NUP93: variants seen among roughly 807,000 people sequenced by gnomAD.
NUP93 encodes nucleoporin 93.
Under a neutral mutation model 107.8 loss-of-function variants are expected in NUP93, and 55 were observed. That is an observed-to-expected ratio of 0.51 (90% CI 0.41 to 0.64). The LOEUF is 0.64. Ranked by LOEUF, NUP93 falls within the 30% of genes least tolerant of loss-of-function variation. NUP93 has a pLI of 0.00. For missense variants in NUP93, 937 were observed against 1,044.7 expected, an observed-to-expected ratio of 0.90 and a Z score of 1.42; for synonymous variants, 390 against 397.5, an observed-to-expected ratio of 0.98 and a Z score of 0.22.
At position 56,841,717 on chromosome 16, in the gene NUP93, C is replaced by T. The variant is rs1567415377; in HGVS notation, c.2233C>T (p.Leu745Phe). The part of the protein sequence containing the change: ...RNFSDEIRHN[L>F]SEVLLATMNI... ...TCTCTCTATGTAGATCAGGCACAAC[C>T]TCTCAGAAGTGCTTCTTGCCACCAT... is the stretch of plus-strand genomic sequence containing the variant. Residue 745 changes from leucine to phenylalanine, a missense_variant, in exon 21 of 22, where the codon CTC becomes TTC. Transcript: ENST00000308159. 1.9e-6 allele frequency: 3 copies of T among 1,614,138 alleles called. No homozygotes were observed. Among genetic ancestry groups the T allele is most frequent in the Non-Finnish European group, 2.5e-6 (3 of 1,179,984 alleles).
chr16:56,823,622 C>T (rs2144614209), intron 7 of NUP93, 85 bp from the exon 8 acceptor site: 1 of 1,496,030 alleles, frequency 6.7e-7, no homozygotes, highest in South Asian at 1.2e-5. Context: ...ACATTCTGCC[C>T]CCTTTGGAGG....
At chr16:56,834,653 C>A in intron 15 of NUP93, 81 bp from the exon 16 acceptor site, 1 of 1,290,476 alleles carries the variant, frequency 7.7e-7, no homozygotes, top group Non-Finnish European at 1.1e-6. Context: ...CCATTTGATT[C>A]CCCTCTTTTT....
At position 56,846,316 on chromosome 16, in the gene NUP93, CAG is replaced by C. The variant is rs1395334409; in HGVS notation, c.*1709_*1710del. 2 of 151,826 alleles carry C rather than the reference CAG, an allele frequency of 1.3e-5. No individual in the cohort carries two copies. Among genetic ancestry groups the C allele is most frequent in the African/African-American group, 4.8e-5 (2 of 41,298 alleles). The allele number at this position is 151,826 out of a possible 1,614,324, so 9.4% of individuals were successfully genotyped here. On this transcript the variant is annotated 3_prime_UTR_variant, in exon 22 of 22. Transcript: ENST00000308159. ...ATCCCAGCTACACAGGAAGCTGAGA[CAG>C]AATTGCTTGAACCCGGGAGGCGAAG...
chr16:56,765,679 C>T (rs1962204046), intron 3 of NUP93, among the ~76,000 whole-genome samples: 1 of 152,174 alleles, frequency 6.6e-6, no homozygotes, highest in Admixed American at 6.5e-5. Context: ...GTGTCTACAT[C>T]ACACCTACTT....
At chr16:56,796,349 G>T (rs1191444704) in intron 3 of NUP93, among the ~76,000 whole-genome samples, 1 of 152,130 alleles carries the variant, frequency 6.6e-6, no homozygotes, top group Non-Finnish European at 1.5e-5. Flanking sequence ...GTAACATGCT[G>T]TACAGGTTCG....
intron 3 of NUP93, among the ~76,000 whole-genome samples, chr16:56,778,831 G>C (rs1461161643): frequency 2.0e-5 from 3 of 152,208 alleles, no homozygotes; most frequent in African/African-American, 7.2e-5. Context: ...TCAGAAAACA[G>C]CTCCATACAG....
intron 1 of NUP93, among the ~76,000 whole-genome samples, chr16:56,739,996 G>A (rs1597100201): frequency 2.1e-5 from 2 of 95,022 alleles, no homozygotes; most frequent in Non-Finnish European, 2.2e-5. Flanking sequence ...CGGGCAGAGG[G>A]GCTCCTCACT....
chr16:56,758,786 G>A (rs1322044415), intron 3 of NUP93, 131 bp downstream of exon 3: 11 of 650,410 alleles, frequency 1.7e-5, no homozygotes, highest in Non-Finnish European at 2.7e-5. Flanking sequence ...GATATTAAGA[G>A]AACAGTAGAT....
At chr16:56,814,310 A>G (rs1963375212) in intron 5 of NUP93, among the ~76,000 whole-genome samples, 1 of 152,002 alleles carries the variant, frequency 6.6e-6, no homozygotes, top group Non-Finnish European at 1.5e-5. Context: ...CCTCCCAAGT[A>G]TTATAGCTGG....
At chr16:56,827,784 A>C (rs1157037337) in intron 8 of NUP93, among the ~76,000 whole-genome samples, 4 of 152,206 alleles carry the variant, frequency 2.6e-5, no homozygotes, top group Non-Finnish European at 4.4e-5. Context: ...TGAGGGGGGA[A>C]GATTGCTTGA....
intron 3 of NUP93, among the ~76,000 whole-genome samples, chr16:56,766,343 C>T (rs1014208697): frequency 3.9e-5 from 6 of 152,186 alleles, no homozygotes; most frequent in Admixed American, 2.0e-4. Flanking sequence ...TGCCTTTGAA[C>T]TGGAGTTGAG....
rs1488928209 is a variant in NUP93 at position 56,849,157 on chromosome 16, G to A, written c.*4548G>A. ...TTCAGACTCCGTGATTCACCGTGGGGGCCCTTAATAGGCATTCAGTCTGAA... is the reference window on the plus strand; with the variant it reads ...TTCAGACTCCGTGATTCACCGTGGGAGCCCTTAATAGGCATTCAGTCTGAA... On this transcript the variant is annotated 3_prime_UTR_variant, in exon 22 of 22. Coordinates refer to ENST00000308159, the MANE Select transcript of NUP93 (RefSeq NM_014669.5). 1 of 152,286 alleles carries A rather than the reference G, an allele frequency of 6.6e-6. No homozygotes were observed. The highest frequency in any genetic ancestry group is 2.1e-4 in the South Asian group (1 of 4,824). The allele number at this position is 152,286 out of a possible 1,614,324, so 9.4% of individuals were successfully genotyped here.
intron 4 of NUP93, among the ~76,000 whole-genome samples, chr16:56,799,612 C>A (rs749266770): frequency 6.6e-6 from 1 of 152,160 alleles, no homozygotes; most frequent in African/African-American, 2.4e-5. Context: ...CTAGCAGTGG[C>A]CCTCTCTGCA....
At position 56,836,629 on chromosome 16, in the gene NUP93, A is replaced by G; in HGVS notation, c.1811A>G (p.Asp604Gly). ...GGAGTCATAGATAAGTTTACTAGTGACACAAAGCCTATTATCAACAAAGTT... is the reference window on the plus strand; with the variant it reads ...GGAGTCATAGATAAGTTTACTAGTGGCACAAAGCCTATTATCAACAAAGTT... ...KPGVIDKFTS[D>G]TKPIINKVAS... Residue 604 changes from aspartate (D) to glycine (G), a missense_variant, in exon 17 of 22, where the codon GAC becomes GGC. Coordinates refer to ENST00000308159, the MANE Select transcript of NUP93 (RefSeq NM_014669.5). 3 of 1,613,732 alleles carry G rather than the reference A, an allele frequency of 1.9e-6. No individual in the cohort carries two copies. The highest frequency in any genetic ancestry group is 2.5e-6 in the Non-Finnish European group (3 of 1,179,688).
At chr16:56,795,687 C>T (rs1962881329) in intron 3 of NUP93, among the ~76,000 whole-genome samples, 1 of 151,770 alleles carries the variant, frequency 6.6e-6, no homozygotes, top group South Asian at 2.1e-4. Flanking sequence ...GTATCTGTCA[C>T]CCAGGCTGGA....
chr16:56,826,414 A>T lies in NUP93; in HGVS notation c.795-2563A>T, dbSNP rs144622417. Among the ~76,000 whole-genome samples, 410 of 151,708 alleles carry T rather than the reference A, an allele frequency of 2.7e-3. 3 individuals carry two copies. The highest frequency in any genetic ancestry group is 9.4e-3 in the African/African-American group (388 of 41,370). On this transcript the variant is annotated intron_variant, in intron 8 of 21. Coordinates refer to ENST00000308159, the MANE Select transcript of NUP93 (RefSeq NM_014669.5). ...GGCGCAAGTCCCAGCTACTTGGGAG[A>T]CTGAGACAGGAGAATCACTTGAACC... is the stretch of plus-strand genomic sequence containing the variant.
chr16:56,760,002 C>T (rs1292441996), intron 3 of NUP93, among the ~76,000 whole-genome samples: 6 of 152,032 alleles, frequency 3.9e-5, no homozygotes, highest in African/African-American at 7.2e-5. Flanking sequence ...ATTTTTTTAC[C>T]TTAAGGTATT....
At chr16:56,741,451 G>A (rs1443799814) in intron 1 of NUP93, among the ~76,000 whole-genome samples, 4 of 152,308 alleles carry the variant, frequency 2.6e-5, no homozygotes, top group Admixed American at 6.5e-5. Flanking sequence ...TTATCTGCTA[G>A]TAAATGAACA....
At chr16:56,739,567 G>GT (rs1961675158) in intron 1 of NUP93, among the ~76,000 whole-genome samples, 1 of 106,384 alleles carries the variant, frequency 9.4e-6, no homozygotes, top group African/African-American at 3.9e-5. Flanking sequence ...GGCTGGCCGG[G>GT]CGGGGGGCTG....
Sources: allele counts gnomAD v4.1 joint callset (sites outside exome capture counted in the v4.1 genomes callset), GRCh38; gene constraint gnomAD v4.1.1; transcripts MANE v1.5; gene names NCBI Gene and HGNC (gene_info 2026-07-23, HGNC 2026-07-21).